Variants in MDGA2 observed in about 807,000 individuals in gnomAD.
MDGA2 encodes MAM domain-containing glycosylphosphatidylinositol anchor protein 2.
In MDGA2, 40 loss-of-function variants were observed where a neutral mutation model predicts 117.8. The observed-to-expected ratio is 0.34, with a 90% confidence interval of 0.26 to 0.44. The LOEUF is 0.44. Among genes scored for constraint, MDGA2 ranks in the 20% least tolerant of loss-of-function variants. The pLI is 1.00. For synonymous variants in MDGA2, 452 were observed against 439.0 expected (o/e 1.03, Z -0.37); for missense variants, 1,123 against 1,250.6 (o/e 0.90, Z 1.54).
intron 10 of MDGA2, among the ~76,000 whole-genome samples, chr14:46,890,520 A>T (rs1357640155): frequency 6.6e-6 from 1 of 152,242 alleles, no homozygotes; most frequent in East Asian, 1.9e-4. Context: ...TACTGATTAT[A>T]AAACAAAACG....
At chr14:47,266,437 G>T (rs1261597305) in intron 2 of MDGA2, among the ~76,000 whole-genome samples, 1 of 152,096 alleles carries the variant, frequency 6.6e-6, no homozygotes, top group Non-Finnish European at 1.5e-5. Flanking sequence ...ATGTAACTAC[G>T]AGTCTTCTAC....
At chr14:47,227,541 T>C (rs1391319846) in intron 2 of MDGA2, among the ~76,000 whole-genome samples, 1 of 152,120 alleles carries the variant, frequency 6.6e-6, no homozygotes, top group Admixed American at 6.5e-5. Context: ...TTCTAAAGAA[T>C]CAGTCTTAAA....
At chr14:47,438,134 C>T (rs1236502675) in intron 1 of MDGA2, among the ~76,000 whole-genome samples, 1 of 152,120 alleles carries the variant, frequency 6.6e-6, no homozygotes, top group Non-Finnish European at 1.5e-5. Flanking sequence ...GGATTGGGTA[C>T]AACCTATCCA....
intron 1 of MDGA2, among the ~76,000 whole-genome samples, chr14:47,533,049 C>T (rs1594903443): frequency 6.6e-6 from 1 of 152,210 alleles, no homozygotes; most frequent in East Asian, 1.9e-4. Flanking sequence ...ACAGCATCCA[C>T]TTAATCCTGG....
intron 5 of MDGA2, among the ~76,000 whole-genome samples, chr14:47,129,270 T>A (rs895890439): frequency 6.9e-6 from 1 of 145,856 alleles, no homozygotes; most frequent in Non-Finnish European, 1.5e-5. Flanking sequence ...GTCCCCAGAG[T>A]GTGATGTTCC....
At chr14:47,389,741 G>T (rs12878294) in intron 1 of MDGA2, among the ~76,000 whole-genome samples, 67 of 152,062 alleles carry the variant, frequency 4.4e-4, no homozygotes, top group Non-Finnish European at 8.8e-4. Flanking sequence ...GTGAAAAAAG[G>T]GGGGAGGGAT....
intron 1 of MDGA2, among the ~76,000 whole-genome samples, chr14:47,428,310 T>A (rs1892730461): frequency 6.6e-6 from 1 of 152,140 alleles, no homozygotes; most frequent in Non-Finnish European, 1.5e-5. Context: ...TACAATTGTG[T>A]TTTACTGCAA....
intron 1 of MDGA2, among the ~76,000 whole-genome samples, chr14:47,462,263 G>A (rs1237826404): frequency 2.1e-5 from 3 of 139,842 alleles, no homozygotes; most frequent in Non-Finnish European, 1.5e-5. Context: ...GTAGTCCCAG[G>A]GACTCGGGAG....
chr14:46,839,781 A>T (rs562015155), downstream of MDGA2, among the ~76,000 whole-genome samples: 10 of 151,986 alleles, frequency 6.6e-5, no homozygotes, highest in Non-Finnish European at 1.5e-4. Context: ...TTTAATTTAA[A>T]GGACTTGGTT....
intron 1 of MDGA2, among the ~76,000 whole-genome samples, chr14:47,504,265 T>C (rs1369567731): frequency 6.6e-6 from 1 of 152,232 alleles, no homozygotes; most frequent in African/African-American, 2.4e-5. Flanking sequence ...TTGTATGCCG[T>C]TGTTAATTTT....
intron 9 of MDGA2, among the ~76,000 whole-genome samples, chr14:46,948,403 C>T (rs370540930): frequency 5.8e-4 from 88 of 152,040 alleles, no homozygotes; most frequent in Admixed American, 1.6e-3. Flanking sequence ...TGCTTCAGGA[C>T]GGAGAGATCT....
intron 2 of MDGA2, among the ~76,000 whole-genome samples, chr14:47,257,331 T>C (rs1415133146): frequency 6.6e-6 from 1 of 152,152 alleles, no homozygotes; most frequent in Non-Finnish European, 1.5e-5. Context: ...CCTTGCTGTT[T>C]TCTCTTGTTT....
chr14:47,173,047 C>A lies in MDGA2; in HGVS notation c.596-28773G>T, dbSNP rs924637525. On this transcript the variant is annotated intron_variant, in intron 3 of 16. Coordinates refer to ENST00000399232, the MANE Select transcript of MDGA2 (RefSeq NM_001113498.3). ...TGCGATCAACTGGAAGAAAGGGTAT[C>A]AGTGATGGAAGATGAAATGAATGAA... Among the ~76,000 whole-genome samples the A allele has an allele frequency of 1.2e-4, 18 of 151,954 alleles. No homozygotes were observed. In the East Asian group the frequency reaches 2.9e-3, roughly 25 times the overall value.
intron 2 of MDGA2, among the ~76,000 whole-genome samples, chr14:47,244,688 C>A (rs1235039957): frequency 6.6e-6 from 1 of 151,618 alleles, no homozygotes; most frequent in African/African-American, 2.4e-5. Context: ...GTACACAGAC[C>A]AGCTGGTATT....
chr14:47,338,424 CAT>C (rs71448195), intron 1 of MDGA2, among the ~76,000 whole-genome samples: 64 of 150,214 alleles, frequency 4.3e-4, no homozygotes, highest in East Asian at 2.3e-3. Context: ...ATAATGTCCT[CAT>C]ATATATATAT....
At chr14:46,896,696 A>G (rs1368774315) in intron 10 of MDGA2, among the ~76,000 whole-genome samples, 1 of 152,146 alleles carries the variant, frequency 6.6e-6, no homozygotes, top group East Asian at 1.9e-4. Context: ...GAGTCTTAGA[A>G]TATTCAAAAT....
chr14:46,871,726 T>C (rs1027208389), intron 14 of MDGA2: 5 of 160,214 alleles, frequency 3.1e-5, no homozygotes, highest in South Asian at 1.7e-4. Flanking sequence ...ATTATTCTCA[T>C]TTTACAGATA....
intron 1 of MDGA2, among the ~76,000 whole-genome samples, chr14:47,327,325 C>G (rs577520244): frequency 2.2e-4 from 34 of 152,306 alleles, no homozygotes; most frequent in South Asian, 6.2e-4. Context: ...AGTATGGAAG[C>G]ACCAATCGGA....
At chr14:46,950,523 A>G (rs1035054692) in intron 9 of MDGA2, among the ~76,000 whole-genome samples, 14 of 151,994 alleles carry the variant, frequency 9.2e-5, no homozygotes, top group Non-Finnish European at 1.8e-4. Context: ...GCTGCAACTC[A>G]TAAGCTGGCT....
Sources: gnomAD v4.1 joint callset for allele counts (sites outside exome capture counted in the v4.1 genomes callset) on GRCh38, gnomAD v4.1.1 for gene constraint, MANE v1.5 for transcripts, NCBI Gene and HGNC (gene_info 2026-07-23, HGNC 2026-07-21) for gene names.